The following AARS2 variants were observed in gnomAD, a reference collection of about 807,000 sequenced individuals.
AARS2 encodes alanine--tRNA ligase, mitochondrial.
Under a neutral mutation model 119.7 loss-of-function variants are expected in AARS2, and 78 were observed. The observed-to-expected ratio is 0.65, with a 90% CI of 0.54 to 0.79. The LOEUF (loss-of-function observed/expected upper bound fraction) is 0.79. AARS2 is among the 30% of genes least tolerant of loss of function. The pLI is 0.00. For missense variants in AARS2, 1,157 were observed against 1,291.3 expected (o/e 0.90, Z 1.59); for synonymous variants, 502 against 526.3 (o/e 0.95, Z 0.63).
Position 44,303,089 on chromosome 6 carries a change from G to C in AARS2, c.2232C>G (p.Thr744=). 6.2e-7 allele frequency: 1 copy of C among 1,614,120 alleles called. No individual in the cohort carries two copies. Among genetic ancestry groups the C allele is most frequent in the Admixed American group, 1.7e-5 (1 of 60,026 alleles). ...ACGTCCCACAGCATAGCTCCACAGA[G>C]GTCTGCAGTGCGGCTTGGGAGGCTG... ...LDPASQAALQ[T]SVELCCGTHL... Residue 744 remains threonine (T), a synonymous_variant, in exon 16 of 22, where the codon ACC becomes ACG. Coordinates refer to ENST00000244571, the MANE Select transcript of AARS2 (RefSeq NM_020745.4).
Position 44,304,717 on chromosome 6 carries a change from G to C in AARS2, c.1680C>G (p.Asp560Glu). Residue 560 changes from aspartate to glutamate, a missense_variant, in exon 12 of 22, where the codon GAC becomes GAG. By Grantham distance (45) the Asp-to-Glu change is conservative. Coordinates refer to ENST00000244571, the MANE Select transcript of AARS2 (RefSeq NM_020745.4). Reference protein sequence around the residue: ...GKGQRCGLLLDRTNFYAEQGG... With the variant: ...GKGQRCGLLLERTNFYAEQGG... The stretch of plus-strand genomic sequence containing the variant: ...CCTGTTCTGCGTAGAAGTTGGTCCT[G>C]TCCAAGAGGAGGCCACAGCGCTGGC... 6.2e-7 allele frequency: 1 copy of C among 1,614,226 alleles called. No individual in the cohort carries two copies. Among genetic ancestry groups the C allele is most frequent in the Non-Finnish European group, 8.5e-7 (1 of 1,180,038 alleles).
rs772630843 is a variant in AARS2, at chr6:44,311,073, T to G, written c.670A>C (p.Ile224Leu). The change falls in exon 4 of 22, where the codon ATC (isoleucine) becomes CTC (leucine). Residue 224 changes from isoleucine to leucine, a missense_variant. Transcript: ENST00000244571. Reference sequence around the variant, plus strand: ...ACCCCACCAGCAAGGTCGTAGTGGATCTCAGTACAGGGCCCACAAGGGCCA... The same window carrying G: ...ACCCCACCAGCAAGGTCGTAGTGGAGCTCAGTACAGGGCCCACAAGGGCCA... ...DTGPCGPCTEIHYDLAGGVGA... is the reference protein window; with the variant it reads ...DTGPCGPCTELHYDLAGGVGA... The G allele has an allele frequency of 3.9e-5, 63 of 1,613,974 alleles. No homozygotes were observed. Among genetic ancestry groups the G allele is most frequent in the Non-Finnish European group, 4.8e-5 (57 of 1,180,016 alleles).
chr6:44,310,076 T>C (rs1475287826), intron 5 of AARS2, among the ~76,000 whole-genome samples: 1 of 152,198 alleles, frequency 6.6e-6, no homozygotes, highest in Non-Finnish European at 1.5e-5. Context: ...AAGTAAGCAC[T>C]CAACACGTAT....
chr6:44,302,715 T>C (rs1157472557), intron 17 of AARS2, 87 bp downstream of exon 17: 2 of 1,475,020 alleles, frequency 1.4e-6, no homozygotes, highest in East Asian at 4.8e-5. Context: ...GCTCTGCTGC[T>C]GGGCACCCCT....
Position 44,305,028 on chromosome 6 carries a change from C to T in AARS2, c.1579+26G>A, listed in dbSNP as rs374458881. The T allele has an allele frequency of 5.0e-6, 8 of 1,613,978 alleles. No homozygotes were observed. The highest frequency in any genetic ancestry group is 2.7e-5 in the African/African-American group (2 of 74,926). On this transcript the variant is annotated intron_variant, in intron 11 of 21. Transcript: ENST00000244571. This position sits in a 1 kb window ranked among gnomAD's most constrained non-coding sequence, Gnocchi z 4.6. Reference sequence around the variant, plus strand: ...TAGTCATGGTCAGGCAAGCTTGTGGCGGCAGGCCTTGGTCCAGGCTCTCAC... The same window carrying T: ...TAGTCATGGTCAGGCAAGCTTGTGGTGGCAGGCCTTGGTCCAGGCTCTCAC...
chr6:44,306,597 C>T, intron 7 of AARS2, 65 bp from the exon 8 acceptor site: 3 of 1,587,700 alleles, frequency 1.9e-6, no homozygotes, highest in Admixed American at 3.3e-5. Context: ...CCTCCCCACC[C>T]TGGGCCTCCC....
chr6:44,302,110 T>C lies in AARS2; in HGVS notation c.2548A>G (p.Met850Val), dbSNP rs35783144. The change falls in exon 19 of 22, where the codon ATG becomes GTG. Residue 850 changes from methionine to valine, a missense_variant. By Grantham distance (21) the Met-to-Val change is conservative. Coordinates refer to ENST00000244571, the MANE Select transcript of AARS2 (RefSeq NM_020745.4). ...GCAGTGTTGGCACGCCGCTGCAGCA[T>C]CTTCACTGTGGCCAGCAGCTCCCGC... ...QRRELLATVK[M>V]LQRRANTAIR... The C allele has an allele frequency of 3.0e-3, 4,881 of 1,613,934 alleles. 143 individuals are homozygous for C. The African/African-American group carries it at 0.059, about 20-fold the overall frequency.
intron 19 of AARS2, 79 bp from the exon 20 acceptor site, chr6:44,301,543 C>A: frequency 7.4e-7 from 1 of 1,351,500 alleles, no homozygotes; most frequent in Non-Finnish European, 1.0e-6. Context: ...GAACTAAGCC[C>A]CAGCTGAGCA....
rs1387299889 is a variant in AARS2, at chr6:44,302,913, G to A, written c.2256-3C>T. The A allele has an allele frequency of 1.9e-6, 3 of 1,613,790 alleles. No homozygotes were observed. The highest frequency in any genetic ancestry group is 4.5e-5 in the East Asian group (2 of 44,870). On this transcript the variant is annotated splice_region_variant and splice_polypyrimidine_tract_variant and intron_variant, in intron 16 of 21. Coordinates refer to ENST00000244571, the MANE Select transcript of AARS2 (RefSeq NM_020745.4). Reference sequence around the variant, plus strand: ...CAGCCCCAGTACGTAACAGGTGCCTGTGGGAGGAAGGAGTGAACAGAAAGT... The same window carrying A: ...CAGCCCCAGTACGTAACAGGTGCCTATGGGAGGAAGGAGTGAACAGAAAGT...
In AARS2 at chr6:44,304,544, G is replaced by A; in HGVS notation, c.1753-11C>T. 6.2e-7 allele frequency: 1 copy of A among 1,614,084 alleles called. No individual in the cohort carries two copies. Among genetic ancestry groups the A allele is most frequent in the Non-Finnish European group, 8.5e-7 (1 of 1,179,968 alleles). ...TGGGAACAGCACGTCCTGAGGGAGG[G>A]TAGTGGTCAAGGTGCCTGTAGCCTT... On this transcript the variant is annotated splice_polypyrimidine_tract_variant and intron_variant, in intron 12 of 21. Transcript: ENST00000244571.
In AARS2 at chr6:44,313,252, GC is replaced by G; in HGVS notation, c.71del (p.Gly24AlafsTer19). Reference protein sequence around the residue: ...RAIRRSPAWRGLSHRPLSSEP... With the variant: ...RAIRRSPAWRXLSHRPLSSEP... ...CCGATGAGAGCGGCCGATGGCTGAG[GC>G]CCCGCCATGCGGGCGACCTTCGAAT... is the stretch of plus-strand genomic sequence containing the variant. On this transcript the variant is annotated frameshift_variant, in exon 1 of 22. Transcript: ENST00000244571. LOFTEE classifies it high-confidence loss of function. 1 of 1,572,864 alleles carries G rather than the reference GC, an allele frequency of 6.4e-7. No homozygotes were observed.
At chr6:44,311,663 C>G (rs1786369175) in intron 2 of AARS2, 128 bp from the exon 3 acceptor site, 1 of 1,168,304 alleles carries the variant, frequency 8.6e-7, no homozygotes, top group Non-Finnish European at 1.2e-6. Context: ...ATCTTGTTCC[C>G]AGAATAAGCC....
At position 44,306,972 on chromosome 6, in the gene AARS2, G is replaced by C; in HGVS notation, c.1100C>G (p.Ala367Gly). 1 of 1,614,104 alleles carries C rather than the reference G, an allele frequency of 6.2e-7. No homozygotes were observed. The highest frequency in any genetic ancestry group is 8.5e-7 in the Non-Finnish European group (1 of 1,179,984). Residue 367 changes from alanine to glycine, a missense_variant, in exon 7 of 22, where the codon GCA becomes GGA. Transcript: ENST00000244571. ...CAGGCTGCCTAGGAAGCCAGGTGGTGCCTTTAAGATCTCCATGGAGAAACG... is the reference window on the plus strand; with the variant it reads ...CAGGCTGCCTAGGAAGCCAGGTGGTCCCTTTAAGATCTCCATGGAGAAACG... ...AVRFSMEILK[A>G]PPGFLGSLVP...
At position 44,303,208 on chromosome 6, in the gene AARS2, C is replaced by A. The variant is rs191567779; in HGVS notation, c.2146-33G>T. The A allele has an allele frequency of 8.7e-5, 140 of 1,614,018 alleles. 1 individual carries two copies. Among genetic ancestry groups the A allele is most frequent in the East Asian group, 3.8e-4 (17 of 44,884 alleles). On this transcript the variant is annotated intron_variant, in intron 15 of 21. Coordinates refer to ENST00000244571, the MANE Select transcript of AARS2 (RefSeq NM_020745.4). ...CAAGAGGGGACAGGCCCGTTAACTG[C>A]CAAAGGAGAAGGATAAAGCCTCCAG...
In AARS2 at chr6:44,302,808, G is replaced by A. The variant is rs993714752; in HGVS notation, c.2358C>T (p.Ala786=). The part of the protein sequence containing the change: ...TRLLAVTGEQ[A]QQARELGQSL... ...GGCCTACTGGCATGCTGACCTGCTG[G>A]GCCTGCTCCCCAGTGACGGCCAGCA... The change falls in exon 17 of 22, where the codon GCC becomes GCT. Residue 786 remains alanine (A), a synonymous_variant. Coordinates refer to ENST00000244571, the MANE Select transcript of AARS2 (RefSeq NM_020745.4). 6.2e-7 allele frequency: 1 copy of A among 1,613,156 alleles called. No individual in the cohort carries two copies. Among genetic ancestry groups the A allele is most frequent in the African/African-American group, 1.3e-5 (1 of 74,894 alleles).
chr6:44,313,223 G>A lies in AARS2; in HGVS notation c.101C>T (p.Pro34Leu), dbSNP rs1293113618. The A allele has an allele frequency of 2.5e-6, 4 of 1,602,606 alleles. No individual in the cohort carries two copies. In the African/African-American group the frequency reaches 4.0e-5, roughly 16 times the overall value. Residue 34 changes from proline (P) to leucine (L), a missense_variant, in exon 1 of 22, where the codon CCC becomes CTC. Physicochemically the swap from Pro to Leu is moderately conservative, Grantham distance 98. Transcript: ENST00000244571. ...CACGGCCGAGGCCTTGGCTGCAGGG[G>A]GCTCCGATGAGAGCGGCCGATGGCT... The part of the protein sequence containing the change: ...GLSHRPLSSE[P>L]PAAKASAVRA...
chr6:44,313,259 C>A lies in AARS2; in HGVS notation c.65G>T (p.Trp22Leu). Residue 22 changes from tryptophan (W) to leucine (L), a missense_variant, in exon 1 of 22, where the codon TGG (tryptophan) becomes TTG (leucine). By Grantham distance (61) the Trp-to-Leu change is moderately conservative. Transcript: ENST00000244571. The stretch of plus-strand genomic sequence containing the variant: ...GAGCGGCCGATGGCTGAGGCCCCGC[C>A]ATGCGGGCGACCTTCGAATGGCCCG... ...LRRAIRRSPA[W>L]RGLSHRPLSS... 6.3e-7 allele frequency: 1 copy of A among 1,596,306 alleles called. No individual in the cohort carries two copies. The highest frequency in any genetic ancestry group is 2.3e-5 in the East Asian group (1 of 44,208).
At chr6:44,301,290 G>C in intron 20 of AARS2, 24 bp from the exon 21 acceptor site, 2 of 1,613,670 alleles carry the variant, frequency 1.2e-6, no homozygotes, top group Non-Finnish European at 1.7e-6. Context: ...GACAGATGGT[G>C]AGCCCATCGC....
In AARS2 at chr6:44,313,318, T is replaced by C. The variant is rs1467763767; in HGVS notation, c.6A>G (p.Ala2=). The C allele has an allele frequency of 1.9e-6, 3 of 1,601,632 alleles. No homozygotes were observed. Among genetic ancestry groups the C allele is most frequent in the South Asian group, 1.1e-5 (1 of 90,662 alleles). ...TCCGGGCTGCAGCTGCCACTGACGCTGCCATCGTAGCTCCGGGCAGTGACT... is the reference window on the plus strand; with the variant it reads ...TCCGGGCTGCAGCTGCCACTGACGCCGCCATCGTAGCTCCGGGCAGTGACT... The part of the protein sequence containing the change: M[A]ASVAAAARRL... Residue 2 remains alanine, a synonymous_variant, in exon 1 of 22, where the codon GCA becomes GCG. Transcript: ENST00000244571.
Sources: gnomAD v4.1 joint callset for allele counts (sites outside exome capture counted in the v4.1 genomes callset) on GRCh38, gnomAD v4.1.1 for gene constraint, Gnocchi (gnomAD v3.1) non-coding constraint, MANE v1.5 for transcripts, NCBI Gene and HGNC (gene_info 2026-07-23, HGNC 2026-07-21) for gene names.